ABCA8: variants seen among roughly 807,000 people sequenced by gnomAD.
ABCA8 encodes ABC-type organic anion transporter ABCA8.
Under a neutral mutation model 192.3 loss-of-function variants are expected in ABCA8, and 177 were observed. The observed-to-expected ratio is 0.92, with a 90% CI of 0.81 to 1.04. The LOEUF (loss-of-function observed/expected upper bound fraction) is 1.04. Ranked by LOEUF, ABCA8 falls within the 50% of genes least tolerant of loss-of-function variation. The probability of loss-of-function intolerance (pLI) is 0.00; values close to 1 mark genes in which losing one functional copy is unlikely to be tolerated. For missense variants in ABCA8, 1,915 were observed against 1,904.8 expected (o/e 1.01, Z -0.10); for synonymous variants, 642 against 690.2 (o/e 0.93, Z 1.09).
Position 68,935,569 on chromosome 17 carries a change from T to TA in ABCA8, c.466+1381_466+1382insT, listed in dbSNP as rs1555617704. ...ATATATATATATATATATATATATA[T>TA]TATCTTCTTTATCCAGCCCTCTGTT... On this transcript the variant is annotated intron_variant, in intron 5 of 39. Coordinates refer to ENST00000586539, the MANE Select transcript of ABCA8 (RefSeq NM_001288985.2). Among the ~76,000 whole-genome samples the TA allele has an allele frequency of 7.5e-3, 1,034 of 138,184 alleles. 14 individuals carry two copies. Among genetic ancestry groups the TA allele is most frequent in the Non-Finnish European group, 1.0e-2 (637 of 63,742 alleles). 90.7% of individuals were successfully genotyped at this position (138,184 alleles called of 152,430 possible).
intron 33 of ABCA8, chr17:68,877,150 G>C (rs977500983): frequency 5.9e-6 from 1 of 170,736 alleles, no homozygotes; most frequent in Non-Finnish European, 1.2e-5. Flanking sequence ...CCACAGGTGC[G>C]CACCACCATG....
At chr17:68,908,297 G>C (rs749899551) in intron 17 of ABCA8, among the ~76,000 whole-genome samples, 5 of 152,258 alleles carry the variant, frequency 3.3e-5, no homozygotes, top group Admixed American at 6.5e-5. Flanking sequence ...TTGTTGTATC[G>C]CTTCAAAGGA....
Position 68,894,289 on chromosome 17 carries a change from A to G in ABCA8, c.2920T>C (p.Cys974Arg), listed in dbSNP as rs754694814. 6.2e-7 allele frequency: 1 copy of G among 1,609,994 alleles called. No homozygotes were observed. The highest frequency in any genetic ancestry group is 8.5e-7 in the Non-Finnish European group (1 of 1,179,094). The change falls in exon 23 of 40, where the codon TGC (cysteine) becomes CGC (arginine). Residue 974 changes from cysteine (C) to arginine (R), a missense_variant. Physicochemically the swap from Cys to Arg is radical, Grantham distance 180. Coordinates refer to ENST00000586539, the MANE Select transcript of ABCA8 (RefSeq NM_001288985.2). ...NEKNYSFSLA[C>R]NAKRLNCFPV... ...AAGCAATTCAATCTTTTGGCATTGCATGCTAACGAAAAGCTGTAATTCTAA... is the reference window on the plus strand; with the variant it reads ...AAGCAATTCAATCTTTTGGCATTGCGTGCTAACGAAAAGCTGTAATTCTAA...
At chr17:68,892,271 G>A (rs140595412) in intron 23 of ABCA8, among the ~76,000 whole-genome samples, 1 of 152,256 alleles carries the variant, frequency 6.6e-6, no homozygotes, top group African/African-American at 2.4e-5. Flanking sequence ...GTGGTCTTCA[G>A]CTTGGTCACC....
At position 68,877,697 on chromosome 17, in the gene ABCA8, C is replaced by G. The variant is rs2066243047; in HGVS notation, c.4039-18G>C. ...AGTAGCACCTGCAGATGAAAGTTCC[C>G]TCTCAGAACCTACCTTCTGCACTGC... On this transcript the variant is annotated intron_variant, in intron 32 of 39. Coordinates refer to ENST00000586539, the MANE Select transcript of ABCA8 (RefSeq NM_001288985.2). 1 of 1,602,950 alleles carries G rather than the reference C, an allele frequency of 6.2e-7. No homozygotes were observed. Among genetic ancestry groups the G allele is most frequent in the Admixed American group, 1.7e-5 (1 of 59,190 alleles).
chr17:68,914,962 A>C (rs912958058), intron 17 of ABCA8, among the ~76,000 whole-genome samples: 3 of 152,198 alleles, frequency 2.0e-5, no homozygotes, highest in Non-Finnish European at 4.4e-5. Flanking sequence ...AGTGGAACAG[A>C]ATAGAGAATG....
At chr17:68,912,959 T>G (rs1442482307) in intron 17 of ABCA8, among the ~76,000 whole-genome samples, 1 of 152,196 alleles carries the variant, frequency 6.6e-6, no homozygotes, top group African/African-American at 2.4e-5. Context: ...AGTCGTCTCC[T>G]CAGCACATGG....
intron 23 of ABCA8, 186 bp downstream of exon 23, chr17:68,893,987 A>C: frequency 1.7e-6 from 1 of 583,546 alleles, no homozygotes; most frequent in South Asian, 1.9e-5. Context: ...ATTTTATTTT[A>C]CTTTAAACAA....
At position 68,875,634 on chromosome 17, in the gene ABCA8, G is replaced by A. The variant is rs745396252; in HGVS notation, c.4470C>T (p.Ile1490=). The A allele has an allele frequency of 8.2e-5, 132 of 1,614,020 alleles. No homozygotes were observed. Among genetic ancestry groups the A allele is most frequent in the Admixed American group, 1.3e-4 (8 of 60,002 alleles). Residue 1490 remains isoleucine (I), a synonymous_variant, in exon 36 of 40, where the codon ATC becomes ATT. Transcript: ENST00000586539. ...EAEAVCDRVA[I]MVSGRLRCIG... is the part of the protein sequence containing the mutation. ...CTCACCTCAACCTCCCAGATACCAT[G>A]ATGGCCACTCGGTCACACACGGCCT...
intron 37 of ABCA8, among the ~76,000 whole-genome samples, chr17:68,872,197 A>T (rs1157295549): frequency 2.0e-5 from 3 of 151,986 alleles, no homozygotes; most frequent in African/African-American, 7.3e-5. Flanking sequence ...TCCAACAATG[A>T]TAGACTGGAT....
intron 21 of ABCA8, among the ~76,000 whole-genome samples, chr17:68,901,266 AT>A (rs199539528): frequency 0.4 from 61,339 of 151,994 alleles, 13,240 homozygotes; most frequent in East Asian, 0.55. Flanking sequence ...TGATAAAAGA[AT>A]TTTTATCATA....
intron 12 of ABCA8, among the ~76,000 whole-genome samples, chr17:68,921,803 A>G (rs562966128): frequency 1.3e-4 from 20 of 152,162 alleles, no homozygotes; most frequent in Non-Finnish European, 2.5e-4. Context: ...GTATTTATTA[A>G]ATGGAAGAAT....
At chr17:68,875,965 G>A (rs1463148323) in intron 35 of ABCA8, among the ~76,000 whole-genome samples, 1 of 152,148 alleles carries the variant, frequency 6.6e-6, no homozygotes, top group Non-Finnish European at 1.5e-5. Flanking sequence ...ATTCATTATA[G>A]GGTTGTGTTC....
In ABCA8 at chr17:68,877,880, T is replaced by C. The variant is rs971646783; in HGVS notation, c.4039-201A>G. 1.5e-5 allele frequency: 7 copies of C among 472,002 alleles called. No homozygotes were observed. The Admixed American group carries it at 2.4e-4, about 16-fold the overall frequency. The allele number at this position is 472,002 out of a possible 1,614,324, so 29.2% of individuals were successfully genotyped here. ...AAATAAGTGTGTCCACAGCCAACAA[T>C]CCAATCTCAGCTGAAAAATCCAATA... is the stretch of plus-strand genomic sequence containing the variant. On this transcript the variant is annotated intron_variant, in intron 32 of 39. Transcript: ENST00000586539.
At chr17:68,920,243 T>C (rs1394356267) in intron 13 of ABCA8, among the ~76,000 whole-genome samples, 1 of 151,746 alleles carries the variant, frequency 6.6e-6, no homozygotes, top group African/African-American at 2.4e-5. Context: ...GACACTGGGG[T>C]CTACTTGATG....
intron 1 of ABCA8, among the ~76,000 whole-genome samples, chr17:68,954,915 A>T (rs1044720610): frequency 6.6e-6 from 1 of 152,166 alleles, no homozygotes. Context: ...TTCACAAAAA[A>T]TTTTTAGCCA....
At chr17:68,904,750 A>G (rs1490943624) in intron 19 of ABCA8, among the ~76,000 whole-genome samples, 1 of 152,128 alleles carries the variant, frequency 6.6e-6, no homozygotes, top group Non-Finnish European at 1.5e-5. Flanking sequence ...GCAGATACTC[A>G]GAAAAACGGA....
At chr17:68,910,492 T>G (rs1478631782) in intron 17 of ABCA8, among the ~76,000 whole-genome samples, 1 of 152,098 alleles carries the variant, frequency 6.6e-6, no homozygotes, top group East Asian at 1.9e-4. Flanking sequence ...GCTCTGGGGA[T>G]CTAAATAAAC....
chr17:68,935,562 ATATATATT>A (rs1389343077), intron 5 of ABCA8, among the ~76,000 whole-genome samples: 4 of 143,426 alleles, frequency 2.8e-5, no homozygotes, highest in African/African-American at 1.0e-4. Flanking sequence ...ATATATATAT[ATATATATT>A]ATCTTCTTTA....
Sources: allele counts gnomAD v4.1 joint callset (sites outside exome capture counted in the v4.1 genomes callset), GRCh38; gene constraint gnomAD v4.1.1; transcripts MANE v1.5; gene names NCBI Gene and HGNC (gene_info 2026-07-23, HGNC 2026-07-21).